The following RAI14 variants were observed in gnomAD, a reference collection of about 807,000 sequenced individuals.
The protein encoded by RAI14 is retinoic acid induced 14.
A neutral mutation model predicts 115.4 loss-of-function variants in RAI14; 45 were observed. The ratio of observed to expected loss-of-function variants is 0.39; its 90% CI spans 0.31 to 0.50. RAI14 has a LOEUF of 0.50. RAI14 is among the 20% of genes least tolerant of loss of function. The pLI, the probability that RAI14 is intolerant of heterozygous loss-of-function variation, is 0.85. For synonymous variants in RAI14, 371 were observed against 415.4 expected, an observed-to-expected ratio of 0.89 and a Z score of 1.30; for missense variants, 939 against 1,131.2, an observed-to-expected ratio of 0.83 and a Z score of 2.44.
intron 2 of RAI14, among the ~76,000 whole-genome samples, chr5:34,701,505 T>C (rs1044749621): frequency 2.0e-5 from 3 of 152,228 alleles, no homozygotes; most frequent in African/African-American, 7.2e-5. Context: ...TATCTTAACC[T>C]GAATGTTCCC....
chr5:34,661,784 C>T (rs1416030666), intron 1 of RAI14, among the ~76,000 whole-genome samples: 1 of 152,174 alleles, frequency 6.6e-6, no homozygotes, highest in African/African-American at 2.4e-5. Context: ...ACGACATCTG[C>T]AGTAACAGGC....
At chr5:34,697,442 AAAAAAAG>A (rs1739403598) in intron 2 of RAI14, among the ~76,000 whole-genome samples, 1 of 151,358 alleles carries the variant, frequency 6.6e-6, no homozygotes, top group Admixed American at 6.6e-5. Context: ...GTCTCAAAAA[AAAAAAAG>A]AAAAAAAAAA....
At chr5:34,795,886 T>G (rs1396967693) in intron 3 of RAI14, 53 bp from the exon 4 acceptor site, 11 of 1,476,018 alleles carry the variant, frequency 7.5e-6, no homozygotes, top group Non-Finnish European at 1.0e-5. Flanking sequence ...CTGTTGGAGA[T>G]GAACATTAAA....
intron 1 of RAI14, among the ~76,000 whole-genome samples, chr5:34,669,934 G>A (rs1743502536): frequency 6.6e-6 from 1 of 152,136 alleles, no homozygotes; most frequent in African/African-American, 2.4e-5. Flanking sequence ...TATTGACTTT[G>A]TATCTTTAGC....
chr5:34,700,374 G>A (rs540159388), intron 2 of RAI14, among the ~76,000 whole-genome samples: 19 of 152,240 alleles, frequency 1.2e-4, no homozygotes, highest in African/African-American at 4.6e-4. Flanking sequence ...CTTTTTAGGT[G>A]CATTTGGAAA....
intron 1 of RAI14, among the ~76,000 whole-genome samples, chr5:34,678,491 T>G (rs1173495303): frequency 6.6e-6 from 1 of 152,134 alleles, no homozygotes; most frequent in Non-Finnish European, 1.5e-5. Flanking sequence ...ATGGGTGGAC[T>G]CTAATCCAGT....
chr5:34,739,893 C>T (rs1745293129), intron 2 of RAI14, among the ~76,000 whole-genome samples: 1 of 151,954 alleles, frequency 6.6e-6, no homozygotes, highest in Admixed American at 6.6e-5. Flanking sequence ...GAAAGCCCAT[C>T]TCTACTAAAA....
At chr5:34,687,620 A>G (rs188722106) in intron 2 of RAI14, 1 of 1,547,316 alleles carries the variant, frequency 6.5e-7, no homozygotes, top group Admixed American at 2.0e-5. Context: ...TCACCCCATA[A>G]ACCCTTCTAT....
chr5:34,748,781 G>C (rs1292787653), intron 2 of RAI14, among the ~76,000 whole-genome samples: 1 of 150,348 alleles, frequency 6.7e-6, no homozygotes. Flanking sequence ...GGGCAACCTA[G>C]GGAGACTCCG....
At chr5:34,757,345 A>C (rs772312560) in intron 2 of RAI14, 123 bp from the exon 3 acceptor site, 21 of 1,136,994 alleles carry the variant, frequency 1.8e-5, no homozygotes, top group Non-Finnish European at 2.8e-5. Context: ...AAACACACTC[A>C]TTCGGGAGCA....
intron 3 of RAI14, among the ~76,000 whole-genome samples, chr5:34,789,745 C>A (rs1173420470): frequency 6.6e-6 from 1 of 152,146 alleles, no homozygotes; most frequent in Non-Finnish European, 1.5e-5. Context: ...TAATTGGTGG[C>A]ATGTTTTGAG....
chr5:34,752,701 ATATGTGTGTGTGTG>A (rs753872841), intron 2 of RAI14, among the ~76,000 whole-genome samples: 5,245 of 89,860 alleles, frequency 0.058, 603 homozygotes, highest in Non-Finnish European at 0.081. Context: ...TTTCTTACAT[ATATGTGTGTGTGTG>A]TGTGTGTGTG....
chr5:34,658,456 C>A (rs1212166697), intron 1 of RAI14, among the ~76,000 whole-genome samples: 5 of 152,020 alleles, frequency 3.3e-5, no homozygotes, highest in Non-Finnish European at 7.4e-5. Flanking sequence ...CCTTCCTCCA[C>A]CCCCTCCCTC....
intron 2 of RAI14, among the ~76,000 whole-genome samples, chr5:34,729,613 A>G (rs1743928906): frequency 6.6e-6 from 1 of 152,174 alleles, no homozygotes; most frequent in African/African-American, 2.4e-5. Context: ...CCTATTGCCA[A>G]TTAATGCGAA....
intron 13 of RAI14, among the ~76,000 whole-genome samples, chr5:34,821,260 G>C (rs1020078900): frequency 6.6e-6 from 1 of 152,186 alleles, no homozygotes; most frequent in Non-Finnish European, 1.5e-5. Flanking sequence ...AGTTTCACTG[G>C]GAAGAAGAGA....
chr5:34,767,469 C>A (rs1749550751), intron 3 of RAI14, among the ~76,000 whole-genome samples: 1 of 152,158 alleles, frequency 6.6e-6, no homozygotes, highest in African/African-American at 2.4e-5. Context: ...TGCTGAGCAG[C>A]AACCAGCCTG....
At chr5:34,808,039 A>G (rs11952837) in intron 6 of RAI14, among the ~76,000 whole-genome samples, 182 bp downstream of exon 6, 218 of 152,336 alleles carry the variant, frequency 1.4e-3, no homozygotes, top group African/African-American at 5.1e-3. Flanking sequence ...TATGCCTAGA[A>G]TTCATCAATT....
At chr5:34,702,652 G>A (rs573725771) in intron 2 of RAI14, among the ~76,000 whole-genome samples, 1 of 152,274 alleles carries the variant, frequency 6.6e-6, no homozygotes, top group African/African-American at 2.4e-5. Context: ...AACAATGCTC[G>A]GGTTGGCCAC....
intron 4 of RAI14, among the ~76,000 whole-genome samples, chr5:34,800,765 G>C (rs1266903905): frequency 6.6e-6 from 1 of 152,198 alleles, no homozygotes; most frequent in African/African-American, 2.4e-5. Context: ...TTATTTTATA[G>C]TAAGTTGTTT....
Sources: allele counts gnomAD v4.1 joint callset (sites outside exome capture counted in the v4.1 genomes callset), GRCh38; gene constraint gnomAD v4.1.1; transcripts MANE v1.5; gene names NCBI Gene and HGNC (gene_info 2026-07-23, HGNC 2026-07-21).